The following NLGN4X variants were observed in gnomAD, a reference collection of about 807,000 sequenced individuals.
The protein encoded by NLGN4X is neuroligin-4, X-linked.
In NLGN4X, 3 loss-of-function variants were observed where a neutral mutation model predicts 40.3. The observed-to-expected ratio is 0.07, with a 90% CI of 0.03 to 0.19. The LOEUF is 0.19. Among genes scored for constraint, NLGN4X ranks in the 10% least tolerant of loss-of-function variants. The probability of loss-of-function intolerance (pLI) is 1.00; values close to 1 mark genes in which losing one functional copy is unlikely to be tolerated. For missense variants in NLGN4X, 382 were observed against 708.3 expected (o/e 0.54, Z 5.23); for synonymous variants, 270 against 306.8 (o/e 0.88, Z 1.25).
intron 1 of NLGN4X, among the ~76,000 whole-genome samples, chrX:6,201,830 G>C (rs924116806): frequency 2.7e-5 from 3 of 111,014 alleles, no homozygotes; most frequent in African/African-American, 9.8e-5. Flanking sequence ...TGTAAGGGCA[G>C]GAAGGAACTT....
chrX:6,191,395 A>G (rs1374164494), intron 1 of NLGN4X, among the ~76,000 whole-genome samples: 1 of 111,717 alleles, frequency 9.0e-6, no homozygotes, highest in Non-Finnish European at 1.9e-5. Flanking sequence ...AAAGAAGTTC[A>G]GATGCTCTAA....
At chrX:5,968,457 CTGTGTGTGTGTG>C (rs529573810) in intron 3 of NLGN4X, among the ~76,000 whole-genome samples, 28,630 of 46,989 alleles carry the variant, frequency 0.61, 7,634 homozygotes, top group Middle Eastern at 0.76. Flanking sequence ...CTCTCTCTCT[CTGTGTGTGTGTG>C]TGTGTGTGTG....
At chrX:6,160,882 G>A (rs1171871580) in intron 1 of NLGN4X, among the ~76,000 whole-genome samples, 1 of 73,916 alleles carries the variant, frequency 1.4e-5, no homozygotes, top group Non-Finnish European at 2.8e-5. Context: ...TATATATAGA[G>A]AGAGAATAAT....
intron 3 of NLGN4X, among the ~76,000 whole-genome samples, chrX:5,944,650 C>CAAAAA (rs750871231): frequency 3.9e-5 from 1 of 25,549 alleles, no homozygotes; most frequent in Non-Finnish European, 7.6e-5. Flanking sequence ...GACTCTGTCT[C>CAAAAA]AAAAAAAAAA....
chrX:6,177,648 C>T (rs1201976191), intron 1 of NLGN4X, among the ~76,000 whole-genome samples: 1 of 111,723 alleles, frequency 9.0e-6, no homozygotes, highest in East Asian at 2.8e-4. Flanking sequence ...GAAAGCTCTA[C>T]AAAGTTTTGA....
At chrX:6,213,178 A>C (rs1416803445) in intron 1 of NLGN4X, among the ~76,000 whole-genome samples, 1 of 110,775 alleles carries the variant, frequency 9.0e-6, no homozygotes, top group Non-Finnish European at 1.9e-5. Flanking sequence ...TCTTCTGGAC[A>C]GTAGTCACCG....
At chrX:6,202,338 CT>C (rs112598776) in intron 1 of NLGN4X, among the ~76,000 whole-genome samples, 9,777 of 92,425 alleles carry the variant, frequency 0.11, 461 homozygotes, top group African/African-American at 0.18. Context: ...TTTTCATTTT[CT>C]TTTTTTTTTT....
intron 1 of NLGN4X, among the ~76,000 whole-genome samples, chrX:6,215,878 CTT>C (rs113885626): frequency 0.2 from 18,036 of 91,714 alleles, 1,517 homozygotes; most frequent in Admixed American, 0.29. Context: ...TACTCAAACA[CTT>C]TTTTTTTTTT....
intron 3 of NLGN4X, among the ~76,000 whole-genome samples, chrX:5,919,759 T>A (rs1258477793): frequency 9.0e-6 from 1 of 111,711 alleles, no homozygotes; most frequent in African/African-American, 3.3e-5. Context: ...CTGAAACCGT[T>A]CCCCTACTTG....
intron 2 of NLGN4X, among the ~76,000 whole-genome samples, chrX:6,051,389 G>T (rs2037488680): frequency 9.0e-6 from 1 of 111,476 alleles, no homozygotes; most frequent in Admixed American, 9.6e-5. Flanking sequence ...ATGTGATCAC[G>T]TAATTTCTTT....
intron 1 of NLGN4X, among the ~76,000 whole-genome samples, chrX:6,217,115 T>C (rs1402715005): frequency 1.8e-5 from 2 of 112,165 alleles, no homozygotes; most frequent in Middle Eastern, 4.2e-3. Flanking sequence ...TGCTACAGCA[T>C]TACAGGTAGA....
At chrX:6,102,380 C>T (rs898529454) in intron 2 of NLGN4X, among the ~76,000 whole-genome samples, 4 of 111,127 alleles carry the variant, frequency 3.6e-5, no homozygotes, top group Admixed American at 9.6e-5. Flanking sequence ...GAGGTCATGA[C>T]AGTGGAGTTT....
chrX:6,103,051 A>G (rs1223218564), intron 2 of NLGN4X, among the ~76,000 whole-genome samples: 1 of 111,829 alleles, frequency 8.9e-6, no homozygotes, highest in Admixed American at 9.5e-5. Flanking sequence ...ACTCCTTGAA[A>G]GTATGCAATG....
intron 3 of NLGN4X, among the ~76,000 whole-genome samples, chrX:5,922,111 G>A (rs1220255156): frequency 3.6e-5 from 4 of 111,404 alleles, no homozygotes; most frequent in Non-Finnish European, 7.5e-5. Flanking sequence ...AGAACCAATT[G>A]TTTTTCTCTC....
At chrX:6,080,185 T>C (rs2038312892) in intron 2 of NLGN4X, among the ~76,000 whole-genome samples, 1 of 108,782 alleles carries the variant, frequency 9.2e-6, no homozygotes, top group Admixed American at 9.8e-5. Flanking sequence ...AAAAAAGGAA[T>C]ACATGATGAT....
intron 2 of NLGN4X, among the ~76,000 whole-genome samples, chrX:6,127,813 A>C (rs2039593172): frequency 8.9e-6 from 1 of 111,959 alleles, no homozygotes; most frequent in African/African-American, 3.2e-5. Context: ...GATTTCTTTA[A>C]CAGGCACTAC....
intron 2 of NLGN4X, among the ~76,000 whole-genome samples, chrX:6,051,979 G>A (rs1185364186): frequency 9.0e-6 from 1 of 110,965 alleles, no homozygotes; most frequent in Non-Finnish European, 1.9e-5. Flanking sequence ...TCTCCTGCTG[G>A]ACTTGAAGAT....
chrX:6,082,367 C>G lies in NLGN4X; in HGVS notation c.473-52935G>C, dbSNP rs191492588. ...CCTGGGCAATATAGTGGGACTGTGT[C>G]TCCACAAAAAAAAAAATACAAAAAT... On this transcript the variant is annotated intron_variant, in intron 2 of 5. Coordinates refer to ENST00000381095, the MANE Select transcript of NLGN4X (RefSeq NM_181332.3). Among the ~76,000 whole-genome samples the G allele has an allele frequency of 1.1e-4, 8 of 72,692 alleles. No homozygotes were observed. In the East Asian group the frequency reaches 1.1e-3, roughly 10 times the overall value. The allele number at this position is 72,692 out of a possible 115,157, so 63.1% of individuals were successfully genotyped here.
chrX:5,941,232 T>TGTGTGTGTG (rs2033937083), intron 3 of NLGN4X, among the ~76,000 whole-genome samples: 5 of 96,333 alleles, frequency 5.2e-5, no homozygotes, highest in African/African-American at 7.7e-5. Flanking sequence ...TGTGTGTGTG[T>TGTGTGTGTG]TGAAAGACAG....
Sources: allele counts gnomAD v4.1 joint callset (sites outside exome capture counted in the v4.1 genomes callset), GRCh38; gene constraint gnomAD v4.1.1; transcripts MANE v1.5; gene names NCBI Gene and HGNC (gene_info 2026-07-23, HGNC 2026-07-21).